The following ANO4 variants were observed in gnomAD, a reference collection of about 807,000 sequenced individuals.
ANO4 encodes the protein anoctamin-4.
In ANO4, 69 loss-of-function variants were observed where a neutral mutation model predicts 141.9. That is an observed-to-expected ratio of 0.49 (90% CI 0.40 to 0.59). The LOEUF is 0.59. Among genes scored for constraint, ANO4 ranks in the 20% least tolerant of loss-of-function variants. ANO4 has a pLI of 0.00. For synonymous variants in ANO4, 350 were observed against 394.3 expected (o/e 0.89, Z 1.33); for missense variants, 894 against 1,162.2 (o/e 0.77, Z 3.36).
chr12:100,876,278 C>CAAAAAA (rs79799106), intron 1 of ANO4, among the ~76,000 whole-genome samples: 2,692 of 91,516 alleles, frequency 0.029, 86 homozygotes, highest in African/African-American at 0.083. Flanking sequence ...ATATAAAGAC[C>CAAAAAA]AAAAAAAAAA....
At chr12:100,848,425 TA>T (rs550809487) in intron 1 of ANO4, among the ~76,000 whole-genome samples, 2 of 152,144 alleles carry the variant, frequency 1.3e-5, no homozygotes, top group Admixed American at 1.3e-4. Context: ...GGCAAACTTT[TA>T]AAAAAAGTGC....
intron 3 of ANO4, among the ~76,000 whole-genome samples, chr12:100,937,263 C>G (rs2042323577): frequency 6.6e-6 from 1 of 152,022 alleles, no homozygotes; most frequent in Non-Finnish European, 1.5e-5. Context: ...CAGACAAGGT[C>G]CTTGCCCTAT....
intron 1 of ANO4, among the ~76,000 whole-genome samples, chr12:100,865,450 TAAAC>T (rs982697177): frequency 3.5e-4 from 53 of 152,106 alleles, no homozygotes; most frequent in African/African-American, 1.1e-3. Flanking sequence ...ACAAGAAACT[TAAAC>T]AAATTTATGA....
chr12:100,780,942 T>C (rs953792822), intron 3 of ANO4, among the ~76,000 whole-genome samples: 4 of 152,252 alleles, frequency 2.6e-5, no homozygotes, highest in African/African-American at 4.8e-5. Context: ...TTTTAAGGCA[T>C]TAATAATTTT....
At chr12:100,964,076 A>G (rs1338508938) in intron 5 of ANO4, among the ~76,000 whole-genome samples, 1 of 152,198 alleles carries the variant, frequency 6.6e-6, no homozygotes, top group Non-Finnish European at 1.5e-5. Context: ...ATTAATTTTT[A>G]GGATGTTAAA....
chr12:101,089,424 G>GA (rs1348811869), intron 17 of ANO4, among the ~76,000 whole-genome samples: 2 of 152,116 alleles, frequency 1.3e-5, no homozygotes, highest in Admixed American at 6.6e-5. Context: ...AGCAAGTGGA[G>GA]ATTGAAAGTA....
At chr12:101,025,577 A>G (rs568146764) in intron 9 of ANO4, among the ~76,000 whole-genome samples, 1 of 152,350 alleles carries the variant, frequency 6.6e-6, no homozygotes, top group African/African-American at 2.4e-5. Context: ...CCAAGGCCAG[A>G]GAAAGAACCA....
chr12:100,837,359 A>G (rs974841897), intron 1 of ANO4, among the ~76,000 whole-genome samples: 1 of 152,166 alleles, frequency 6.6e-6, no homozygotes, highest in Non-Finnish European at 1.5e-5. Context: ...CAGTTGTCCA[A>G]GGTCACACGG....
intron 14 of ANO4, among the ~76,000 whole-genome samples, chr12:101,053,637 A>ATGG (rs1193608091): frequency 6.6e-6 from 1 of 152,104 alleles, no homozygotes; most frequent in Non-Finnish European, 1.5e-5. Flanking sequence ...GTGTCTTCAC[A>ATGG]TGGCTATCTT....
At chr12:100,909,594 T>C (rs1347107885) in intron 2 of ANO4, among the ~76,000 whole-genome samples, 1 of 152,188 alleles carries the variant, frequency 6.6e-6, no homozygotes, top group East Asian at 1.9e-4. Context: ...CATAACCTTA[T>C]TATGCTGAAG....
At chr12:100,717,313 C>A (rs1300577402), upstream of ANO4, among the ~76,000 whole-genome samples, 2 of 151,838 alleles carry the variant, frequency 1.3e-5, no homozygotes, top group African/African-American at 2.4e-5. Flanking sequence ...TCTCTCCTGC[C>A]GCTCTCGCGG....
At chr12:100,801,522 A>G (rs972511017) in intron 1 of ANO4, among the ~76,000 whole-genome samples, 10 of 150,622 alleles carry the variant, frequency 6.6e-5, no homozygotes, top group African/African-American at 2.2e-4. Context: ...TTTTAAAAGC[A>G]CAATTCCTAT....
At chr12:100,862,639 G>A (rs1426213779) in intron 1 of ANO4, among the ~76,000 whole-genome samples, 1 of 152,110 alleles carries the variant, frequency 6.6e-6, no homozygotes, top group Non-Finnish European at 1.5e-5. Context: ...TCATTATTAA[G>A]TATTATATAC....
chr12:100,761,276 T>C (rs112475367), intron 3 of ANO4, among the ~76,000 whole-genome samples: 28 of 152,312 alleles, frequency 1.8e-4, no homozygotes, highest in African/African-American at 6.3e-4. Flanking sequence ...CTTGGGGTGA[T>C]TTCCAGTGGA....
chr12:100,907,709 T>A lies in ANO4; in HGVS notation c.55+5869T>A, dbSNP rs945004910. Among the ~76,000 whole-genome samples, 3 of 152,356 alleles carry A rather than the reference T, an allele frequency of 2.0e-5. No individual in the cohort carries two copies. The East Asian group carries it at 5.8e-4, about 29-fold the overall frequency. On this transcript the variant is annotated intron_variant, in intron 2 of 27. Coordinates refer to ENST00000392977, the MANE Select transcript of ANO4 (RefSeq NM_001286615.2). ...TTCATATGACAATCCTTCAGTTGTT[T>A]AAGAAACTCATCCCTAGCTATTTTC...
chr12:100,942,295 G>C, intron 4 of ANO4, 82 bp from the exon 5 acceptor site: 1 of 1,503,362 alleles, frequency 6.7e-7, no homozygotes, highest in Non-Finnish European at 9.0e-7. Flanking sequence ...AAGTTATTTA[G>C]TTTTAATTGT....
chr12:101,079,450 T>G (rs1403364986), intron 15 of ANO4, among the ~76,000 whole-genome samples, 175 bp downstream of exon 15: 1 of 152,194 alleles, frequency 6.6e-6, no homozygotes, highest in African/African-American at 2.4e-5. Flanking sequence ...ACAATTTTTG[T>G]AAATTTTTGA....
intron 1 of ANO4, among the ~76,000 whole-genome samples, chr12:100,832,818 T>C (rs1282609750): frequency 6.6e-6 from 1 of 152,110 alleles, no homozygotes; most frequent in Non-Finnish European, 1.5e-5. Flanking sequence ...AAAGATACCA[T>C]CTTAAATAAA....
intron 10 of ANO4, chr12:101,038,314 GT>G: frequency 6.7e-6 from 1 of 149,210 alleles, no homozygotes; most frequent in Non-Finnish European, 1.5e-5. Context: ...CCAGAAAAGG[GT>G]TTTGTGAGAA....
Sources: gnomAD v4.1 joint callset for allele counts (sites outside exome capture counted in the v4.1 genomes callset) on GRCh38, gnomAD v4.1.1 for gene constraint, MANE v1.5 for transcripts, NCBI Gene and HGNC (gene_info 2026-07-23, HGNC 2026-07-21) for gene names.